CLIC4: variants seen among roughly 807,000 people sequenced by gnomAD.
CLIC4 encodes chloride intracellular channel protein 4.
In CLIC4, 13 loss-of-function variants were observed where a neutral mutation model predicts 24.6. The observed-to-expected ratio is 0.53, with a 90% CI of 0.34 to 0.84. The LOEUF is 0.84. Ranked by LOEUF, CLIC4 falls within the 40% of genes least tolerant of loss-of-function variation. The pLI, the probability that CLIC4 is intolerant of heterozygous loss-of-function variation, is 0.01. For missense variants in CLIC4, 227 were observed against 301.7 expected, an observed-to-expected ratio of 0.75 and a Z score of 1.83; for synonymous variants, 104 against 111.3, an observed-to-expected ratio of 0.93 and a Z score of 0.41.
Position 24,745,499 on chromosome 1 carries a change from A to AAGG in CLIC4, c.-53_-52insGAG. The stretch of plus-strand genomic sequence containing the variant: ...GGCAGCCGGAGCAGTCCCGGAGCAG[A>AAGG]AGCAGCAGCAGCAGCAGCAGCCCTC... On this transcript the variant is annotated 5_prime_UTR_variant, in exon 1 of 6. Transcript: ENST00000374379. 1.3e-6 allele frequency: 2 copies of AAGG among 1,492,268 alleles called. No homozygotes were observed. The highest frequency in any genetic ancestry group is 2.5e-5 in the South Asian group (2 of 81,334). The allele number at this position is 1,492,268 out of a possible 1,614,324, so 92.4% of individuals were successfully genotyped here. A position where few individuals can be genotyped will look rare whatever the true frequency, so the allele number is the denominator to read the frequency against.
At chr1:24,755,719 A>G (rs921553469) in intron 1 of CLIC4, among the ~76,000 whole-genome samples, 1 of 152,096 alleles carries the variant, frequency 6.6e-6, no homozygotes, top group African/African-American at 2.4e-5. Flanking sequence ...AAATAATAAA[A>G]CCAGGATAAT....
intron 1 of CLIC4, among the ~76,000 whole-genome samples, chr1:24,768,843 G>A (rs2124099153): frequency 6.7e-6 from 1 of 149,370 alleles, no homozygotes; most frequent in East Asian, 2.0e-4. Flanking sequence ...GGAGGTTGCA[G>A]TGAGCCGAGA....
At chr1:24,778,837 G>A (rs899158453) in intron 1 of CLIC4, among the ~76,000 whole-genome samples, 22 of 152,140 alleles carry the variant, frequency 1.4e-4, no homozygotes, top group African/African-American at 4.6e-4. Flanking sequence ...AAGTGGTTCT[G>A]GCTGAGATAT....
intron 3 of CLIC4, among the ~76,000 whole-genome samples, chr1:24,826,251 G>A (rs1460811398): frequency 1.3e-5 from 2 of 152,138 alleles, no homozygotes; most frequent in Non-Finnish European, 1.5e-5. Context: ...GTTGTTGTTC[G>A]GTGCTACCCT....
intron 4 of CLIC4, among the ~76,000 whole-genome samples, chr1:24,835,130 C>A (rs1013648368): frequency 5.9e-5 from 9 of 152,186 alleles, no homozygotes; most frequent in Non-Finnish European, 7.3e-5. Context: ...GGTTATGTTT[C>A]ATCTAAGAAA....
chr1:24,782,809 C>G (rs1239246139), intron 1 of CLIC4, among the ~76,000 whole-genome samples: 2 of 152,088 alleles, frequency 1.3e-5, no homozygotes, highest in Admixed American at 6.6e-5. Context: ...GCAAAACTGT[C>G]TCTACAAAAA....
At chr1:24,766,107 A>G (rs1338615164) in intron 1 of CLIC4, among the ~76,000 whole-genome samples, 1 of 151,876 alleles carries the variant, frequency 6.6e-6, no homozygotes, top group Non-Finnish European at 1.5e-5. Flanking sequence ...CCCGAGTTCC[A>G]GCTATTCTCC....
At chr1:24,829,713 T>C (rs1258861255) in intron 4 of CLIC4, among the ~76,000 whole-genome samples, 2 of 152,214 alleles carry the variant, frequency 1.3e-5, no homozygotes, top group Non-Finnish European at 2.9e-5. Flanking sequence ...TCCAAATTCC[T>C]ATATTTAGAT....
At chr1:24,796,907 G>T (rs1339341032) in intron 1 of CLIC4, among the ~76,000 whole-genome samples, 1 of 151,356 alleles carries the variant, frequency 6.6e-6, no homozygotes, top group Non-Finnish European at 1.5e-5. Flanking sequence ...AATTCTCTTG[G>T]GCAGTGCTAT....
intron 2 of CLIC4, among the ~76,000 whole-genome samples, chr1:24,808,299 A>T (rs1188124815): frequency 6.6e-6 from 1 of 152,178 alleles, no homozygotes; most frequent in Non-Finnish European, 1.5e-5. Flanking sequence ...CCTGGTGGAT[A>T]CCAAAATCCA....
At chr1:24,747,948 C>T (rs559573834) in intron 1 of CLIC4, among the ~76,000 whole-genome samples, 26 of 150,848 alleles carry the variant, frequency 1.7e-4, no homozygotes, top group Non-Finnish European at 3.4e-4. Flanking sequence ...TCGCTTGAAC[C>T]GGGGAGGCAA....
At position 24,841,537 on chromosome 1, in the gene CLIC4, G is replaced by A. The variant is rs889119285; in HGVS notation, c.*600G>A. Reference sequence around the variant, plus strand: ...ACTACAGATTTTGCTATATTGCTTTGTAGATAGATTTTTACTTTTGCCTAA... The same window carrying A: ...ACTACAGATTTTGCTATATTGCTTTATAGATAGATTTTTACTTTTGCCTAA... On this transcript the variant is annotated 3_prime_UTR_variant, in exon 6 of 6. Coordinates refer to ENST00000374379, the MANE Select transcript of CLIC4 (RefSeq NM_013943.3). The A allele has an allele frequency of 6.6e-6, 1 of 152,098 alleles. No homozygotes were observed. Among genetic ancestry groups the A allele is most frequent in the Non-Finnish European group, 1.5e-5 (1 of 68,026 alleles). 9.4% of individuals were successfully genotyped at this position (152,098 alleles called of 1,614,324 possible). A position where few individuals can be genotyped will look rare whatever the true frequency, so the allele number is the denominator to read the frequency against.
chr1:24,755,245 C>T (rs930143071), intron 1 of CLIC4, among the ~76,000 whole-genome samples: 2 of 151,170 alleles, frequency 1.3e-5, no homozygotes, highest in African/African-American at 4.9e-5. Context: ...GGATTACAGG[C>T]GTGAGCTACC....
intron 2 of CLIC4, among the ~76,000 whole-genome samples, chr1:24,805,086 C>CAAAAAAA (rs757976140): frequency 1.2e-3 from 56 of 46,430 alleles, no homozygotes; most frequent in Middle Eastern, 0.016. Flanking sequence ...GACTCCATGT[C>CAAAAAAA]AAAAAAAAAA....
At chr1:24,837,883 G>T (rs2124177491) in intron 4 of CLIC4, among the ~76,000 whole-genome samples, 1 of 152,262 alleles carries the variant, frequency 6.6e-6, no homozygotes, top group East Asian at 1.9e-4. Context: ...TCCTTTAAAT[G>T]ATGTTCCTTA....
At chr1:24,815,976 GA>G (rs1303522847) in intron 3 of CLIC4, among the ~76,000 whole-genome samples, 13 of 152,106 alleles carry the variant, frequency 8.5e-5, no homozygotes, top group African/African-American at 2.7e-4. Flanking sequence ...TCTATCTCAA[GA>G]AACCATTTTC....
chr1:24,746,557 TA>T (rs535734100), intron 1 of CLIC4, among the ~76,000 whole-genome samples: 1 of 151,840 alleles, frequency 6.6e-6, no homozygotes, highest in Non-Finnish European at 1.5e-5. Flanking sequence ...CCTCAAAACT[TA>T]AAAAAAACAC....
intron 4 of CLIC4, among the ~76,000 whole-genome samples, 174 bp downstream of exon 4, chr1:24,827,290 A>G (rs1639796419): frequency 6.6e-6 from 1 of 152,238 alleles, no homozygotes; most frequent in Non-Finnish European, 1.5e-5. Context: ...ATAAGTCCCT[A>G]TGTTGCTATT....
chr1:24,767,445 C>T (rs2124097490), intron 1 of CLIC4, among the ~76,000 whole-genome samples: 1 of 152,274 alleles, frequency 6.6e-6, no homozygotes, highest in African/African-American at 2.4e-5. Context: ...TGGTTTCAAC[C>T]TTCAGGATTA....
Sources: gnomAD v4.1 joint callset for allele counts (sites outside exome capture counted in the v4.1 genomes callset) on GRCh38, gnomAD v4.1.1 for gene constraint, MANE v1.5 for transcripts, NCBI Gene and HGNC (gene_info 2026-07-23, HGNC 2026-07-21) for gene names.